Variants in TBC1D2 observed in about 807,000 individuals in gnomAD.
The protein encoded by TBC1D2 is TBC1 domain family member 2, also known as TBC1 domain family member 2A.
In TBC1D2, 58 loss-of-function variants were observed where a neutral mutation model predicts 91.1. The ratio of observed to expected loss-of-function variants is 0.64; its 90% confidence interval spans 0.52 to 0.79. TBC1D2 has a LOEUF of 0.79. TBC1D2 is among the 30% of genes least tolerant of loss of function. The probability of loss-of-function intolerance (pLI) is 0.00; values close to 1 mark genes in which losing one functional copy is unlikely to be tolerated. For missense variants in TBC1D2, 1,080 were observed against 1,208.3 expected, an observed-to-expected ratio of 0.89 and a Z score of 1.57; for synonymous variants, 482 against 511.5, an observed-to-expected ratio of 0.94 and a Z score of 0.78.
intron 9 of TBC1D2, among the ~76,000 whole-genome samples, chr9:98,207,329 T>G (rs955165379): frequency 4.6e-5 from 7 of 152,198 alleles, no homozygotes; most frequent in African/African-American, 1.7e-4. Flanking sequence ...TTATGTAAAT[T>G]TTGCTTAGGT....
chr9:98,252,035 A>AG, intron 1 of TBC1D2, 109 bp from the exon 2 acceptor site: 1 of 1,386,188 alleles, frequency 7.2e-7, no homozygotes, highest in Non-Finnish European at 9.7e-7. Context: ...TTTCCCAGGA[A>AG]AAAAAAAAGG....
At chr9:98,205,418 A>G (rs1234096203) in intron 9 of TBC1D2, among the ~76,000 whole-genome samples, 1 of 152,272 alleles carries the variant, frequency 6.6e-6, no homozygotes, top group East Asian at 1.9e-4. Context: ...AACCACTTTT[A>G]GAGCACTGTA....
intron 2 of TBC1D2, among the ~76,000 whole-genome samples, chr9:98,245,266 AAAAC>A (rs1012747393): frequency 1.3e-5 from 2 of 151,164 alleles, no homozygotes; most frequent in Non-Finnish European, 2.9e-5. Context: ...AAACAAAACA[AAAAC>A]AAACAAAAAA....
chr9:98,201,363 T>C (rs1828495766), intron 11 of TBC1D2, 116 bp downstream of exon 11: 2 of 969,686 alleles, frequency 2.1e-6, no homozygotes, highest in African/African-American at 1.6e-5. Flanking sequence ...CAGGAGACGT[T>C]CAACAGCTCT....
chr9:98,204,871 T>C (rs1828608234), intron 9 of TBC1D2, among the ~76,000 whole-genome samples: 1 of 152,234 alleles, frequency 6.6e-6, no homozygotes, highest in South Asian at 2.1e-4. Context: ...TCTATCCTTT[T>C]CGTCTGTGCC....
chr9:98,201,707 AG>A, intron 10 of TBC1D2, 43 bp from the exon 11 acceptor site: 2 of 1,564,212 alleles, frequency 1.3e-6, no homozygotes, highest in Non-Finnish European at 1.7e-6. Context: ...GCCCCAGCGT[AG>A]GGCTGCCTCC....
At chr9:98,241,874 G>A (rs1829645123) in intron 3 of TBC1D2, among the ~76,000 whole-genome samples, 1 of 152,034 alleles carries the variant, frequency 6.6e-6, no homozygotes, top group African/African-American at 2.4e-5. Flanking sequence ...CTCTCTCCTG[G>A]GCTCCAGGTC....
At chr9:98,225,275 G>A (rs142400353) in intron 5 of TBC1D2, among the ~76,000 whole-genome samples, 4 of 152,308 alleles carry the variant, frequency 2.6e-5, no homozygotes, top group East Asian at 1.9e-4. Context: ...GTCAGTCCCC[G>A]GCCAATCAGC....
chr9:98,210,897 G>GAGGCCTA (rs2119035758), intron 7 of TBC1D2, 54 bp from the exon 8 acceptor site: 1 of 1,334,714 alleles, frequency 7.5e-7, no homozygotes, highest in Non-Finnish European at 9.7e-7. Flanking sequence ...GGCCGCCCCA[G>GAGGCCTA]AGGCCTGAGG....
rs77196621 is a variant in TBC1D2 at position 98,237,000 on chromosome 9, T to C, written c.648-3451A>G. Among the ~76,000 whole-genome samples, 825 of 152,138 alleles carry C rather than the reference T, an allele frequency of 5.4e-3. 4 individuals carry two copies. The highest frequency in any genetic ancestry group is 0.019 in the African/African-American group (793 of 41,508). ...ATTGATTATTTCTCCAAAGCTTTTA[T>C]GAATTTAAAGCATGCCAGTTAAGAT... On this transcript the variant is annotated intron_variant, in intron 3 of 12. Coordinates refer to ENST00000465784, the MANE Select transcript of TBC1D2 (RefSeq NM_001267571.2).
intron 3 of TBC1D2, 97 bp from the exon 4 acceptor site, chr9:98,233,646 C>T (rs1829429300): frequency 6.5e-7 from 1 of 1,532,694 alleles, no homozygotes; most frequent in African/African-American, 1.4e-5. Context: ...GGTCTCATCC[C>T]CACACCCTGT....
chr9:98,213,322 A>T, intron 6 of TBC1D2, 104 bp from the exon 7 acceptor site: 1 of 1,530,712 alleles, frequency 6.5e-7, no homozygotes, highest in Non-Finnish European at 8.8e-7. Context: ...TTCCTTAGAA[A>T]TTTCCAATAA....
In TBC1D2 at chr9:98,220,831, A is replaced by G. The variant is rs1264844528; in HGVS notation, c.1374+2T>C. Reference sequence around the variant, plus strand: ...TGGCAGGCCCTGAGGGGAGGCCCCTACCTTCAGGTGCTCTATCTTCCCCTG... The same window carrying G: ...TGGCAGGCCCTGAGGGGAGGCCCCTGCCTTCAGGTGCTCTATCTTCCCCTG... On this transcript the variant is annotated splice_donor_variant, in intron 6 of 12. Coordinates refer to ENST00000465784, the MANE Select transcript of TBC1D2 (RefSeq NM_001267571.2). LOFTEE classifies it high-confidence loss of function. The G allele has an allele frequency of 7.4e-6, 12 of 1,613,202 alleles. No individual in the cohort carries two copies. Among genetic ancestry groups the G allele is most frequent in the Non-Finnish European group, 1.0e-5 (12 of 1,179,548 alleles).
chr9:98,253,406 G>C (rs1829910017), intron 1 of TBC1D2, among the ~76,000 whole-genome samples: 1 of 152,070 alleles, frequency 6.6e-6, no homozygotes, highest in East Asian at 1.9e-4. Context: ...ACTCTCTTCT[G>C]ATCACCTTCT....
intron 3 of TBC1D2, among the ~76,000 whole-genome samples, chr9:98,239,367 T>C (rs1478208625): frequency 6.6e-6 from 1 of 152,214 alleles, no homozygotes; most frequent in Non-Finnish European, 1.5e-5. Flanking sequence ...CCAGTCTTTG[T>C]GAGAGGTTTT....
At chr9:98,213,028 G>T in intron 7 of TBC1D2, 80 bp downstream of exon 7, 1 of 1,470,756 alleles carries the variant, frequency 6.8e-7, no homozygotes, top group Admixed American at 1.7e-5. Context: ...GAAATGAGGA[G>T]AGTGAGACGG....
Position 98,233,623 on chromosome 9 carries a change from C to T in TBC1D2, c.648-74G>A. 6 of 1,572,326 alleles carry T rather than the reference C, an allele frequency of 3.8e-6. No homozygotes were observed. The South Asian group carries it at 7.2e-5, about 19-fold the overall frequency. On this transcript the variant is annotated intron_variant, in intron 3 of 12. Coordinates refer to ENST00000465784, the MANE Select transcript of TBC1D2 (RefSeq NM_001267571.2). ...TGCCCTTCTGTCCTTCCCGCCACCA[C>T]TGCTGGAGCTCAGGTCTCATCCCCA...
At chr9:98,232,353 T>TTTTTTTTTTTTTTTTTTTTTTA (rs1564251724) in intron 4 of TBC1D2, among the ~76,000 whole-genome samples, 1 of 149,746 alleles carries the variant, frequency 6.7e-6, no homozygotes. Context: ...TTTTTTTTTT[T>TTTTTTTTTTTTTTTTTTTTTTA]GACAGTGTCT....
intron 1 of TBC1D2, among the ~76,000 whole-genome samples, 166 bp downstream of exon 1, chr9:98,255,006 CA>C (rs965404224): frequency 6.6e-6 from 1 of 152,146 alleles, no homozygotes; most frequent in Admixed American, 6.6e-5. Flanking sequence ...TGTGGGAACC[CA>C]ATGAGGAAAT....
Sources: allele counts gnomAD v4.1 joint callset (sites outside exome capture counted in the v4.1 genomes callset), GRCh38; gene constraint gnomAD v4.1.1; transcripts MANE v1.5; gene names NCBI Gene and HGNC (gene_info 2026-07-23, HGNC 2026-07-21).